Variants in CDH12 observed in about 807,000 individuals in gnomAD.
CDH12 encodes cadherin 12.
CDH12 carries 41 observed loss-of-function variants against 74.1 expected under a neutral mutation model. That is an observed-to-expected ratio of 0.55 (90% confidence interval 0.43 to 0.72). CDH12 has a LOEUF of 0.72. CDH12 is among the 30% of genes least tolerant of loss of function. The pLI is 0.00. For synonymous variants in CDH12, 399 were observed against 355.0 expected (o/e 1.12, Z -1.39); for missense variants, 945 against 977.2 (o/e 0.97, Z 0.44).
chr5:22,541,272 C>T (rs2126719244), intron 1 of CDH12, among the ~76,000 whole-genome samples: 1 of 152,326 alleles, frequency 6.6e-6, no homozygotes, highest in Admixed American at 6.5e-5. Flanking sequence ...TGCTGCAGGG[C>T]TTTGGCAGTT....
chr5:22,318,324 T>A (rs999742533), intron 3 of CDH12, among the ~76,000 whole-genome samples: 4 of 152,182 alleles, frequency 2.6e-5, no homozygotes, highest in African/African-American at 9.7e-5. Flanking sequence ...GCCTCTGATA[T>A]CATCAGCTCC....
In CDH12 at chr5:22,627,685, G is replaced by T. The variant is rs139878241; in HGVS notation, c.-522-122321C>A. Among the ~76,000 whole-genome samples the T allele has an allele frequency of 4.6e-3, 706 of 152,176 alleles. 4 individuals are homozygous for T. The highest frequency in any genetic ancestry group is 0.016 in the African/African-American group (665 of 41,528). ...ATAAAGCAACTACACCATTAAGTAT[G>T]CATAATAACCAGATAACTACTTACT... On this transcript the variant is annotated intron_variant, in intron 1 of 14. Transcript: ENST00000382254.
rs1748345632 is a variant in CDH12 at position 22,798,505 on chromosome 5, AT to A, written c.-523+54552del. 2.0e-5 allele frequency among the ~76,000 whole-genome samples: 3 copies of A among 152,050 alleles called. No homozygotes were observed. The South Asian group carries it at 6.2e-4, about 32-fold the overall frequency. On this transcript the variant is annotated intron_variant, in intron 1 of 14. Coordinates refer to ENST00000382254, the MANE Select transcript of CDH12 (RefSeq NM_004061.5). ...GATAAATATGTATTTTTTCATTCTA[AT>A]TTCTAATATGGTAAATATCACCAGA...
At chr5:22,786,816 T>A (rs1056423087) in intron 1 of CDH12, among the ~76,000 whole-genome samples, 1 of 151,966 alleles carries the variant, frequency 6.6e-6, no homozygotes, top group Non-Finnish European at 1.5e-5. Flanking sequence ...CCTTCTGGGT[T>A]CAAGCAATTC....
chr5:22,237,739 G>A, intron 3 of CDH12, among the ~76,000 whole-genome samples: 1 of 152,088 alleles, frequency 6.6e-6, no homozygotes, highest in African/African-American at 2.4e-5. Flanking sequence ...GTATCCATGA[G>A]GTGCATATAA....
At chr5:22,806,575 C>G (rs1389259910) in intron 1 of CDH12, among the ~76,000 whole-genome samples, 1 of 151,928 alleles carries the variant, frequency 6.6e-6, no homozygotes, top group African/African-American at 2.4e-5. Context: ...AGGATGGTCT[C>G]GATCTCCTGA....
At chr5:22,058,062 T>C (rs1740876810) in intron 5 of CDH12, among the ~76,000 whole-genome samples, 1 of 152,020 alleles carries the variant, frequency 6.6e-6, no homozygotes. Flanking sequence ...CTTTTATTTA[T>C]TTATTTATTT....
At chr5:22,075,135 A>G (rs1408557692) in intron 5 of CDH12, among the ~76,000 whole-genome samples, 1 of 152,032 alleles carries the variant, frequency 6.6e-6, no homozygotes, top group Non-Finnish European at 1.5e-5. Context: ...CAGCCATAAA[A>G]AAGGATGAGT....
At chr5:21,875,718 T>G (rs1237597905) in intron 6 of CDH12, among the ~76,000 whole-genome samples, 1 of 152,214 alleles carries the variant, frequency 6.6e-6, no homozygotes, top group East Asian at 1.9e-4. Context: ...TGTAGAATGC[T>G]TCCTTCAGCA....
intron 2 of CDH12, among the ~76,000 whole-genome samples, chr5:22,414,570 A>T (rs1172749862): frequency 1.3e-5 from 2 of 151,994 alleles, no homozygotes; most frequent in African/African-American, 2.4e-5. Flanking sequence ...GTTCTCATAG[A>T]AATTAATTTT....
intron 1 of CDH12, among the ~76,000 whole-genome samples, chr5:22,514,526 T>C (rs1243903337): frequency 1.3e-5 from 2 of 151,890 alleles, no homozygotes; most frequent in Non-Finnish European, 2.9e-5. Flanking sequence ...AAAAAAAAAG[T>C]ATCTCCTAAA....
intron 1 of CDH12, among the ~76,000 whole-genome samples, chr5:22,685,036 C>G (rs1306278224): frequency 1.3e-5 from 2 of 152,062 alleles, no homozygotes; most frequent in East Asian, 3.9e-4. Context: ...ATAAAGACCT[C>G]TACGTACATT....
At chr5:22,000,170 C>G (rs974813976) in intron 5 of CDH12, among the ~76,000 whole-genome samples, 1 of 152,046 alleles carries the variant, frequency 6.6e-6, no homozygotes, top group African/African-American at 2.4e-5. Context: ...CTATGTTGCC[C>G]AGGCTTGTTT....
At chr5:22,251,027 G>T (rs1477050894) in intron 3 of CDH12, among the ~76,000 whole-genome samples, 1 of 152,190 alleles carries the variant, frequency 6.6e-6, no homozygotes, top group Non-Finnish European at 1.5e-5. Context: ...GAAGGGGAAA[G>T]CCAGATTGAA....
chr5:22,241,512 T>C (rs926091226), intron 3 of CDH12, among the ~76,000 whole-genome samples: 3 of 152,024 alleles, frequency 2.0e-5, no homozygotes, highest in Non-Finnish European at 2.9e-5. Context: ...TTATAGTCTA[T>C]AGTTTGTAAT....
intron 1 of CDH12, among the ~76,000 whole-genome samples, chr5:22,670,588 G>T (rs747009585): frequency 6.6e-6 from 1 of 151,912 alleles, no homozygotes; most frequent in East Asian, 1.9e-4. Context: ...ACCACAGGAG[G>T]TTATTAAACT....
chr5:21,982,129 T>C (rs897424374), intron 5 of CDH12, among the ~76,000 whole-genome samples: 1 of 152,160 alleles, frequency 6.6e-6, no homozygotes, highest in African/African-American at 2.4e-5. Flanking sequence ...CTGAATAAAA[T>C]AGATTGCCTT....
At chr5:22,105,776 C>T (rs1744406214) in intron 4 of CDH12, among the ~76,000 whole-genome samples, 2 of 151,792 alleles carry the variant, frequency 1.3e-5, no homozygotes, top group Non-Finnish European at 1.5e-5. Context: ...AGATTAGGCC[C>T]TATCTTAATA....
At chr5:22,604,122 G>C (rs1302306629) in intron 1 of CDH12, among the ~76,000 whole-genome samples, 2 of 152,202 alleles carry the variant, frequency 1.3e-5, no homozygotes, top group East Asian at 1.9e-4. Flanking sequence ...AGGAAATCCA[G>C]AGTGTGTGGA....
Sources: allele counts gnomAD v4.1 joint callset (sites outside exome capture counted in the v4.1 genomes callset), GRCh38; gene constraint gnomAD v4.1.1; transcripts MANE v1.5; gene names NCBI Gene and HGNC (gene_info 2026-07-23, HGNC 2026-07-21).